AGBL1: variants seen among roughly 807,000 people sequenced by gnomAD.
The protein encoded by AGBL1 is cytosolic carboxypeptidase 4.
A neutral mutation model predicts 118.9 loss-of-function variants in AGBL1; 130 were observed. The ratio of observed to expected loss-of-function variants is 1.09; its 90% CI spans 0.95 to 1.26. The LOEUF (loss-of-function observed/expected upper bound fraction) is 1.26. Among genes scored for constraint, AGBL1 ranks in the 50% most tolerant of loss-of-function variants. AGBL1 has a pLI of 0.00. For synonymous variants in AGBL1, 555 were observed against 478.9 expected (o/e 1.16, Z -2.08); for missense variants, 1,584 against 1,298.1 (o/e 1.22, Z -3.38).
At chr15:86,516,119 G>A (rs1420482049) in intron 18 of AGBL1, among the ~76,000 whole-genome samples, 12 of 152,186 alleles carry the variant, frequency 7.9e-5, no homozygotes, top group Admixed American at 7.2e-4. Flanking sequence ...TAGAGGAGTA[G>A]TCACTTATGC....
chr15:86,871,700 G>T (rs1444733360), intron 22 of AGBL1, among the ~76,000 whole-genome samples: 1 of 152,040 alleles, frequency 6.6e-6, no homozygotes, highest in Admixed American at 6.6e-5. Context: ...CATACACCGG[G>T]ACTGTTGGGT....
intron 23 of AGBL1, among the ~76,000 whole-genome samples, chr15:86,978,830 T>G (rs1005486024): frequency 1.3e-5 from 2 of 152,194 alleles, no homozygotes; most frequent in Non-Finnish European, 2.9e-5. Context: ...ATCAGCCTAT[T>G]TTCTCCTTGG....
At chr15:86,596,346 T>C (rs1042839300) in intron 21 of AGBL1, among the ~76,000 whole-genome samples, 1 of 152,176 alleles carries the variant, frequency 6.6e-6, no homozygotes, top group Non-Finnish European at 1.5e-5. Flanking sequence ...AGATGATATA[T>C]GAACTTCTGT....
chr15:86,256,770 G>A lies in AGBL1; in HGVS notation c.736-83G>A, dbSNP rs575881741. The A allele has an allele frequency of 6.3e-6, 9 of 1,428,840 alleles. No individual in the cohort carries two copies. The Admixed American group carries it at 1.3e-4, about 21-fold the overall frequency. 88.5% of individuals were successfully genotyped at this position (1,428,840 alleles called of 1,614,324 possible). On this transcript the variant is annotated intron_variant, in intron 7 of 22. Transcript: ENST00000614907. The stretch of plus-strand genomic sequence containing the variant: ...AGCTAGGAGACTGTGCTGTGTTACA[G>A]CTTGGAGAGTGTTATTAGCTGTGTT...
intron 1 of AGBL1, among the ~76,000 whole-genome samples, chr15:86,112,377 A>G (rs1897444119): frequency 6.6e-6 from 1 of 152,240 alleles, no homozygotes; most frequent in African/African-American, 2.4e-5. Context: ...GACATGCTAC[A>G]CATACATTTT....
At chr15:86,264,194 A>G (rs556123776) in intron 10 of AGBL1, 64 bp from the exon 11 acceptor site, 2 of 1,317,660 alleles carry the variant, frequency 1.5e-6, no homozygotes, top group South Asian at 1.5e-5. Context: ...AAGGACAGGG[A>G]TCAAATTGTA....
chr15:86,137,412 T>G (rs2076903474), intron 1 of AGBL1, among the ~76,000 whole-genome samples: 1 of 152,192 alleles, frequency 6.6e-6, no homozygotes, highest in Non-Finnish European at 1.5e-5. Flanking sequence ...TTCTTTTCTC[T>G]GTCACATCTG....
intron 24 of AGBL1, among the ~76,000 whole-genome samples, chr15:87,002,346 T>G (rs1335226466): frequency 6.6e-6 from 1 of 151,994 alleles, no homozygotes; most frequent in East Asian, 1.9e-4. Context: ...TATCTCTGTT[T>G]TGGTACCAGT....
At chr15:86,327,811 C>G (rs1220401415) in intron 17 of AGBL1, among the ~76,000 whole-genome samples, 1 of 152,130 alleles carries the variant, frequency 6.6e-6, no homozygotes, top group Non-Finnish European at 1.5e-5. Flanking sequence ...ATGGAAAAAG[C>G]ACAGCTATTC....
intron 22 of AGBL1, among the ~76,000 whole-genome samples, chr15:86,827,252 G>A (rs1372023957): frequency 2.3e-5 from 3 of 132,976 alleles, no homozygotes; most frequent in Non-Finnish European, 3.2e-5. Context: ...ATAGGATTTG[G>A]CTCAAGCATA....
At chr15:86,231,656 G>T (rs942500852) in intron 6 of AGBL1, among the ~76,000 whole-genome samples, 1 of 152,150 alleles carries the variant, frequency 6.6e-6, no homozygotes, top group Non-Finnish European at 1.5e-5. Context: ...CTATCAAGGA[G>T]ATTTTATAAT....
chr15:86,234,529 C>T (rs551915083), intron 6 of AGBL1, among the ~76,000 whole-genome samples: 17 of 129,038 alleles, frequency 1.3e-4, no homozygotes, highest in Non-Finnish European at 2.2e-4. Context: ...CCAGCCTGGG[C>T]GACAGAGTGA....
intron 24 of AGBL1, chr15:87,028,815 T>A: frequency 6.2e-7 from 1 of 1,605,112 alleles, no homozygotes; most frequent in Non-Finnish European, 8.5e-7. Context: ...TATTTCTTAT[T>A]CCTTCTCAGA....
chr15:86,291,942 G>T (rs946291150), intron 16 of AGBL1, among the ~76,000 whole-genome samples: 5 of 152,116 alleles, frequency 3.3e-5, no homozygotes, highest in African/African-American at 1.2e-4. Context: ...TATTTATCTT[G>T]AATCTGGTAT....
At chr15:86,413,113 T>C (rs1423849424) in intron 18 of AGBL1, among the ~76,000 whole-genome samples, 1 of 152,208 alleles carries the variant, frequency 6.6e-6, no homozygotes. Flanking sequence ...TATAGAATTC[T>C]GTAATGTTAG....
At chr15:86,639,483 T>C (rs2085156121) in intron 21 of AGBL1, among the ~76,000 whole-genome samples, 2 of 152,112 alleles carry the variant, frequency 1.3e-5, no homozygotes, top group South Asian at 4.1e-4. Flanking sequence ...CTCAAATTAT[T>C]TACTACTGTT....
At chr15:86,694,589 C>G (rs947232438) in intron 22 of AGBL1, among the ~76,000 whole-genome samples, 9 of 151,960 alleles carry the variant, frequency 5.9e-5, no homozygotes, top group Non-Finnish European at 1.2e-4. Flanking sequence ...CCATTTATTT[C>G]TTTCTCTTGT....
chr15:86,828,008 A>G, intron 22 of AGBL1, among the ~76,000 whole-genome samples: 1 of 126,606 alleles, frequency 7.9e-6, no homozygotes, highest in Non-Finnish European at 1.6e-5. Context: ...TTGTGTGATC[A>G]TAGTCACTGC....
intron 5 of AGBL1, among the ~76,000 whole-genome samples, chr15:86,201,745 C>G (rs2077910471): frequency 1.3e-5 from 2 of 152,184 alleles, no homozygotes; most frequent in African/African-American, 4.8e-5. Flanking sequence ...CCTTGGGAAT[C>G]TAGGGCATCC....
Sources: allele counts gnomAD v4.1 joint callset (sites outside exome capture counted in the v4.1 genomes callset), GRCh38; gene constraint gnomAD v4.1.1; transcripts MANE v1.5; gene names NCBI Gene and HGNC (gene_info 2026-07-23, HGNC 2026-07-21).